The following RAB8B variants were observed in gnomAD, a reference collection of about 807,000 sequenced individuals.
RAB8B encodes ras-related protein Rab-8B.
Under a neutral mutation model 32.0 loss-of-function variants are expected in RAB8B, and 11 were observed. That is an observed-to-expected ratio of 0.34 (90% CI 0.22 to 0.57). The LOEUF is 0.57. Ranked by LOEUF, RAB8B falls within the 20% of genes least tolerant of loss-of-function variation. RAB8B has a pLI of 0.86. For missense variants in RAB8B, 190 were observed against 258.5 expected (o/e 0.73, Z 1.82); for synonymous variants, 103 against 89.6 (o/e 1.15, Z -0.85).
At chr15:63,240,334 A>C (rs958576665) in intron 1 of RAB8B, among the ~76,000 whole-genome samples, 5 of 152,178 alleles carry the variant, frequency 3.3e-5, no homozygotes, top group African/African-American at 1.2e-4. Flanking sequence ...CTGAATGTGT[A>C]ATCTCTTAGG....
chr15:63,252,505 T>C (rs2038124837), intron 3 of RAB8B, among the ~76,000 whole-genome samples: 1 of 152,216 alleles, frequency 6.6e-6, no homozygotes, highest in Non-Finnish European at 1.5e-5. Context: ...ACACTTTCTG[T>C]GCTAACCAGT....
intron 1 of RAB8B, among the ~76,000 whole-genome samples, chr15:63,202,089 TAAAAAAAAAAAA>T (rs146981058): frequency 0.31 from 26,643 of 86,076 alleles, 3,304 homozygotes; most frequent in Admixed American, 0.44. Context: ...CCGTCTCTAC[TAAAAAAAAAAAA>T]AAAAAAAAAA....
At chr15:63,258,839 G>T (rs1356309482) in intron 5 of RAB8B, among the ~76,000 whole-genome samples, 2 of 152,162 alleles carry the variant, frequency 1.3e-5, no homozygotes, top group Admixed American at 6.5e-5. Context: ...GATTGGTTGT[G>T]GGAGGGGACC....
intron 1 of RAB8B, among the ~76,000 whole-genome samples, chr15:63,239,890 A>G (rs891726570): frequency 3.3e-5 from 5 of 152,176 alleles, no homozygotes; most frequent in Non-Finnish European, 7.3e-5. Flanking sequence ...CTATGTTAAT[A>G]AAACCCAATA....
chr15:63,212,047 G>A (rs903189237), intron 1 of RAB8B, among the ~76,000 whole-genome samples: 2 of 151,996 alleles, frequency 1.3e-5, no homozygotes, highest in Non-Finnish European at 2.9e-5. Context: ...TGCCTGGGCT[G>A]GTCTTGAACT....
intron 1 of RAB8B, among the ~76,000 whole-genome samples, chr15:63,212,964 ATGAGGTTTG>A (rs1427244618): frequency 1.3e-5 from 2 of 152,226 alleles, no homozygotes; most frequent in African/African-American, 4.8e-5. Context: ...GTAGTTAACT[ATGAGGTTTG>A]TCTTAGTTTT....
At chr15:63,249,778 G>A (rs752640060) in intron 3 of RAB8B, 73 bp downstream of exon 3, 2 of 1,456,116 alleles carry the variant, frequency 1.4e-6, no homozygotes, top group Non-Finnish European at 1.9e-6. Flanking sequence ...CAAGATTATA[G>A]GATTCAAGAT....
intron 1 of RAB8B, among the ~76,000 whole-genome samples, chr15:63,201,079 G>GT (rs2037644581): frequency 6.6e-6 from 1 of 151,862 alleles, no homozygotes; most frequent in African/African-American, 2.4e-5. Flanking sequence ...GAAGTTGGGG[G>GT]TGGGGGTACT....
chr15:63,225,083 T>G lies in RAB8B; in HGVS notation c.125-19673T>G, dbSNP rs147456850. 6.6e-4 allele frequency among the ~76,000 whole-genome samples: 101 copies of G among 152,362 alleles called. 1 individual carries two copies. Among genetic ancestry groups the G allele is most frequent in the Non-Finnish European group, 1.2e-3 (80 of 68,036 alleles). The stretch of plus-strand genomic sequence containing the variant: ...GCACATAGTAGGTACACAATAAATA[T>G]AATATCGTCTTTAACGTAATATCAT... On this transcript the variant is annotated intron_variant, in intron 1 of 7. Transcript: ENST00000321437.
intron 1 of RAB8B, among the ~76,000 whole-genome samples, chr15:63,221,630 G>T (rs2037845236): frequency 6.6e-6 from 1 of 152,092 alleles, no homozygotes; most frequent in African/African-American, 2.4e-5. Context: ...TCCTGGCCAG[G>T]GCTCATCTCC....
intron 1 of RAB8B, among the ~76,000 whole-genome samples, chr15:63,201,174 C>T (rs1211918452): frequency 1.3e-5 from 2 of 152,120 alleles, no homozygotes; most frequent in African/African-American, 4.8e-5. Flanking sequence ...ACTTTTTGGT[C>T]TGCAAAATTT....
chr15:63,225,632 A>T (rs908831224), intron 1 of RAB8B, among the ~76,000 whole-genome samples: 27 of 150,102 alleles, frequency 1.8e-4, no homozygotes, highest in Non-Finnish European at 1.0e-4. Flanking sequence ...TATTGTCTTT[A>T]GCAAAGACAC....
chr15:63,227,469 G>A (rs995237681), intron 1 of RAB8B, among the ~76,000 whole-genome samples: 2 of 152,196 alleles, frequency 1.3e-5, no homozygotes, highest in African/African-American at 2.4e-5. Context: ...TGCTGCAAAC[G>A]TACTTTTGGA....
intron 3 of RAB8B, among the ~76,000 whole-genome samples, chr15:63,250,967 A>T (rs1420168051): frequency 3.3e-5 from 5 of 151,640 alleles, no homozygotes; most frequent in Non-Finnish European, 7.4e-5. Flanking sequence ...TGTGGTCTGA[A>T]CCCACAGATC....
intron 4 of RAB8B, 80 bp downstream of exon 4, chr15:63,255,664 G>C (rs1242260545): frequency 1.5e-5 from 18 of 1,165,894 alleles, no homozygotes; most frequent in Non-Finnish European, 2.2e-5. Flanking sequence ...CTGCAAGGCA[G>C]CTGAGCTGCT....
intron 1 of RAB8B, among the ~76,000 whole-genome samples, chr15:63,193,691 G>A (rs113705422): frequency 0.013 from 2,044 of 152,082 alleles, 41 homozygotes; most frequent in African/African-American, 0.048. Flanking sequence ...GGCACCTGTA[G>A]TCCCAGCTAC....
At chr15:63,223,310 C>G (rs925431604) in intron 1 of RAB8B, among the ~76,000 whole-genome samples, 5 of 152,076 alleles carry the variant, frequency 3.3e-5, no homozygotes, top group Non-Finnish European at 7.4e-5. Flanking sequence ...CGGGGTTTCA[C>G]TGTATTGGCC....
At chr15:63,217,915 A>G (rs12148434) in intron 1 of RAB8B, among the ~76,000 whole-genome samples, 57,963 of 152,056 alleles carry the variant, frequency 0.38, 12,433 homozygotes, top group Non-Finnish European at 0.5. Context: ...TCACATAGTA[A>G]TAACTGCTGT....
intron 1 of RAB8B, among the ~76,000 whole-genome samples, chr15:63,214,286 C>CT (rs34415858): frequency 0.1 from 9,785 of 95,422 alleles, 1,012 homozygotes; most frequent in East Asian, 0.38. Context: ...CAGTTTCTTT[C>CT]TTTTTTTTTT....
Sources: allele counts gnomAD v4.1 joint callset (sites outside exome capture counted in the v4.1 genomes callset), GRCh38; gene constraint gnomAD v4.1.1; transcripts MANE v1.5; gene names NCBI Gene and HGNC (gene_info 2026-07-23, HGNC 2026-07-21).